The following LSAMP variants were observed in gnomAD, a reference collection of about 807,000 sequenced individuals.
LSAMP encodes the protein limbic system associated membrane protein.
Under a neutral mutation model 38.6 loss-of-function variants are expected in LSAMP, and 7 were observed. The ratio of observed to expected loss-of-function variants is 0.18; its 90% CI spans 0.10 to 0.34. The LOEUF (loss-of-function observed/expected upper bound fraction) is 0.34, where lower values mean the gene tolerates loss of function less well. Among genes scored for constraint, LSAMP ranks in the 10% least tolerant of loss-of-function variants. The probability of loss-of-function intolerance (pLI) is 1.00; values close to 1 mark genes in which losing one functional copy is unlikely to be tolerated. For missense variants in LSAMP, 313 were observed against 420.0 expected (o/e 0.75, Z 2.23); for synonymous variants, 154 against 166.8 (o/e 0.92, Z 0.59).
intron 1 of LSAMP, among the ~76,000 whole-genome samples, chr3:116,391,059 A>C (rs1040531946): frequency 3.3e-5 from 5 of 152,202 alleles, no homozygotes; most frequent in Middle Eastern, 3.2e-3. Flanking sequence ...AGTTGAGCCA[A>C]AGTTGTCCAC....
intron 1 of LSAMP, among the ~76,000 whole-genome samples, chr3:116,414,932 A>G (rs2049029449): frequency 6.6e-6 from 1 of 152,170 alleles, no homozygotes; most frequent in African/African-American, 2.4e-5. Context: ...AGCAAGCAAT[A>G]AAAAAGTGGA....
At chr3:116,313,418 C>T (rs2047584557) in intron 1 of LSAMP, among the ~76,000 whole-genome samples, 1 of 152,172 alleles carries the variant, frequency 6.6e-6, no homozygotes, top group South Asian at 2.1e-4. Flanking sequence ...TGTGATGGCC[C>T]CTTGCCATCA....
intron 1 of LSAMP, among the ~76,000 whole-genome samples, chr3:116,438,362 TG>T (rs901890444): frequency 7.9e-5 from 12 of 152,328 alleles, no homozygotes; most frequent in African/African-American, 2.2e-4. Flanking sequence ...AAAAATAGCT[TG>T]TGTAGTAGGC....
intron 1 of LSAMP, among the ~76,000 whole-genome samples, chr3:116,256,860 GA>G (rs553677469): frequency 4.9e-4 from 75 of 152,310 alleles, no homozygotes; most frequent in African/African-American, 1.7e-3. Context: ...CACGTGTCAT[GA>G]GTGGCAAAAG....
At chr3:116,279,921 A>G (rs1183304565) in intron 1 of LSAMP, among the ~76,000 whole-genome samples, 3 of 152,202 alleles carry the variant, frequency 2.0e-5, no homozygotes, top group Non-Finnish European at 4.4e-5. Context: ...TACATTGAAA[A>G]CATTTACTAT....
chr3:116,338,435 C>T (rs2047950398), intron 1 of LSAMP, among the ~76,000 whole-genome samples: 2 of 151,972 alleles, frequency 1.3e-5, no homozygotes, highest in African/African-American at 4.8e-5. Context: ...TCTCCCATTC[C>T]ACGTATGGAT....
chr3:116,238,873 A>G (rs917157157), intron 1 of LSAMP, among the ~76,000 whole-genome samples: 1 of 151,608 alleles, frequency 6.6e-6, no homozygotes, highest in Admixed American at 6.6e-5. Context: ...AAGTTGCAAT[A>G]CTAAATCACT....
At chr3:116,256,168 T>C (rs939961911) in intron 1 of LSAMP, among the ~76,000 whole-genome samples, 2 of 152,180 alleles carry the variant, frequency 1.3e-5, no homozygotes, top group African/African-American at 4.8e-5. Flanking sequence ...AATTACGAAA[T>C]TGTATGCCTC....
intron 1 of LSAMP, among the ~76,000 whole-genome samples, chr3:116,354,735 C>T (rs948962509): frequency 1.3e-5 from 2 of 152,172 alleles, no homozygotes; most frequent in African/African-American, 4.8e-5. Context: ...CCAGGATAGA[C>T]ACTGGGGTAT....
chr3:115,829,651 G>T (rs1451160840), intron 6 of LSAMP, among the ~76,000 whole-genome samples: 1 of 152,246 alleles, frequency 6.6e-6, no homozygotes, highest in Admixed American at 6.5e-5. Flanking sequence ...GGCATCCGCT[G>T]AAAGTGTGTG....
At chr3:115,982,036 T>C (rs1227370326) in intron 3 of LSAMP, among the ~76,000 whole-genome samples, 7 of 152,256 alleles carry the variant, frequency 4.6e-5, no homozygotes, top group Admixed American at 1.3e-4. Flanking sequence ...AAAATGTTTT[T>C]CTTTACATAA....
At chr3:116,133,821 C>A (rs928372362) in intron 1 of LSAMP, among the ~76,000 whole-genome samples, 16 of 152,140 alleles carry the variant, frequency 1.1e-4, no homozygotes, top group African/African-American at 3.9e-4. Flanking sequence ...ATAGTATATA[C>A]CACAAGATAA....
At chr3:115,952,917 T>C (rs1186583830) in intron 3 of LSAMP, among the ~76,000 whole-genome samples, 4 of 152,220 alleles carry the variant, frequency 2.6e-5, no homozygotes, top group African/African-American at 9.7e-5. Flanking sequence ...TATTGTATAC[T>C]GTCTCCTTGT....
chr3:116,188,476 C>T (rs1710676288), intron 1 of LSAMP, among the ~76,000 whole-genome samples: 2 of 152,134 alleles, frequency 1.3e-5, no homozygotes, highest in South Asian at 4.1e-4. Context: ...ATCCCAGGGA[C>T]TTTGCTGCTT....
chr3:115,891,839 C>T (rs999788063), intron 3 of LSAMP, among the ~76,000 whole-genome samples: 22 of 152,010 alleles, frequency 1.4e-4, no homozygotes, highest in African/African-American at 3.1e-4. Context: ...TTAGTGGCTT[C>T]GGTTATCTTG....
intron 1 of LSAMP, among the ~76,000 whole-genome samples, chr3:116,138,927 C>A (rs1354646862): frequency 6.6e-6 from 1 of 151,248 alleles, no homozygotes; most frequent in South Asian, 2.1e-4. Flanking sequence ...CAGTAAGAAT[C>A]CACCAGAGAC....
At chr3:116,183,980 A>G (rs1419112785) in intron 1 of LSAMP, among the ~76,000 whole-genome samples, 3 of 151,812 alleles carry the variant, frequency 2.0e-5, no homozygotes, top group African/African-American at 7.2e-5. Flanking sequence ...CAATTCTATA[A>G]GCAATAAGGC....
chr3:116,203,469 T>C (rs2046019110), intron 1 of LSAMP, among the ~76,000 whole-genome samples: 1 of 151,940 alleles, frequency 6.6e-6, no homozygotes, highest in Admixed American at 6.6e-5. Context: ...TACATATGTA[T>C]ACATGTGACA....
intron 1 of LSAMP, among the ~76,000 whole-genome samples, chr3:116,317,348 C>G (rs1042630878): frequency 6.7e-6 from 1 of 149,966 alleles, no homozygotes; most frequent in Non-Finnish European, 1.5e-5. Context: ...AGCCCAATCT[C>G]TTTCTTTCTT....
Sources: gnomAD v4.1 joint callset for allele counts (sites outside exome capture counted in the v4.1 genomes callset) on GRCh38, gnomAD v4.1.1 for gene constraint, MANE v1.5 for transcripts, NCBI Gene and HGNC (gene_info 2026-07-23, HGNC 2026-07-21) for gene names.